The following GPR139 variants were observed in gnomAD, a reference collection of about 807,000 sequenced individuals.
The protein encoded by GPR139 is probable G protein-coupled receptor 139.
In GPR139, 12 loss-of-function variants were observed where a neutral mutation model predicts 25.8. That is an observed-to-expected ratio of 0.47 (90% CI 0.30 to 0.75). GPR139 has a LOEUF of 0.75. Among genes scored for constraint, GPR139 ranks in the 30% least tolerant of loss-of-function variants. The pLI, the probability that GPR139 is intolerant of heterozygous loss-of-function variation, is 0.07. For missense variants in GPR139, 380 were observed against 450.2 expected, an observed-to-expected ratio of 0.84 and a Z score of 1.41; for synonymous variants, 184 against 179.9, an observed-to-expected ratio of 1.02 and a Z score of -0.18.
chr16:20,038,669 T>A (rs982857182), intron 1 of GPR139, among the ~76,000 whole-genome samples: 2 of 152,030 alleles, frequency 1.3e-5, no homozygotes, highest in African/African-American at 4.8e-5. Flanking sequence ...ATGTAGGAGA[T>A]CCCTGGGGTG....
rs1357802276 is a variant in GPR139, at chr16:20,031,267, GTCATTATTGTTAGC to G, written c.*454_*467del. On this transcript the variant is annotated 3_prime_UTR_variant, in exon 2 of 2. Coordinates refer to ENST00000570682, the MANE Select transcript of GPR139 (RefSeq NM_001002911.4). ...GCACCTTGAAAAAAATCCTGAAATA[GTCATTATTGTTAGC>G]TCCTGGGAACAGCAGAGGGAAGTGA... Among the ~76,000 whole-genome samples the G allele has an allele frequency of 6.6e-6, 1 of 152,082 alleles. No homozygotes were observed. The highest frequency in any genetic ancestry group is 2.4e-5 in the African/African-American group (1 of 41,402).
intron 1 of GPR139, chr16:20,070,853 G>T: frequency 1.5e-6 from 1 of 671,846 alleles, no homozygotes. Flanking sequence ...GCTAATTGCT[G>T]GTGGCTGGGG....
At chr16:20,065,963 G>T (rs1171513152) in intron 1 of GPR139, among the ~76,000 whole-genome samples, 1 of 151,856 alleles carries the variant, frequency 6.6e-6, no homozygotes, top group Admixed American at 6.6e-5. Flanking sequence ...CTATAAGTGT[G>T]TCAGCAATTA....
chr16:20,054,908 AG>A (rs1308833412), intron 1 of GPR139, among the ~76,000 whole-genome samples: 1 of 152,002 alleles, frequency 6.6e-6, no homozygotes, highest in Non-Finnish European at 1.5e-5. Context: ...TTGTATTTTT[AG>A]TAGAGATGGG....
chr16:20,059,027 G>T (rs2057401322), intron 1 of GPR139, among the ~76,000 whole-genome samples: 1 of 152,168 alleles, frequency 6.6e-6, no homozygotes, highest in African/African-American at 2.4e-5. Flanking sequence ...GAAGGTGATG[G>T]TGGCTGGGGT....
intron 1 of GPR139, among the ~76,000 whole-genome samples, chr16:20,041,488 A>G (rs1402525498): frequency 6.6e-6 from 1 of 151,894 alleles, no homozygotes; most frequent in East Asian, 2.0e-4. Context: ...ACCGAATTGT[A>G]TGATGGGGCA....
chr16:20,047,755 A>G (rs72772711), intron 1 of GPR139, among the ~76,000 whole-genome samples: 12,417 of 152,232 alleles, frequency 0.082, 587 homozygotes, highest in Non-Finnish European at 0.11. Context: ...GCAGAGTACA[A>G]ATTCTGGAGC....
intron 1 of GPR139, among the ~76,000 whole-genome samples, chr16:20,049,644 TGAAATGAGGAAA>T (rs1193133419): frequency 6.6e-6 from 1 of 152,224 alleles, no homozygotes; most frequent in East Asian, 1.9e-4. Context: ...TTTCCCTTGT[TGAAATGAGGAAA>T]GATTAAGAGC....
At chr16:20,034,576 T>G (rs1324431936) in intron 1 of GPR139, among the ~76,000 whole-genome samples, 3 of 152,300 alleles carry the variant, frequency 2.0e-5, no homozygotes, top group African/African-American at 7.2e-5. Flanking sequence ...TTGCCCAGGC[T>G]GGAGTGCAGT....
chr16:20,066,762 A>G (rs1378308934), intron 1 of GPR139, among the ~76,000 whole-genome samples: 1 of 152,256 alleles, frequency 6.6e-6, no homozygotes, highest in African/African-American at 2.4e-5. Flanking sequence ...CTCTTACTCT[A>G]TGTGAGAGTG....
chr16:20,051,273 G>A (rs2057371164), intron 1 of GPR139, among the ~76,000 whole-genome samples: 1 of 152,110 alleles, frequency 6.6e-6, no homozygotes, highest in African/African-American at 2.4e-5. Context: ...ATGCTGAGAG[G>A]TAACAACCTC....
chr16:20,063,567 A>C (rs2057421415), intron 1 of GPR139, among the ~76,000 whole-genome samples: 1 of 152,260 alleles, frequency 6.6e-6, no homozygotes, highest in East Asian at 1.9e-4. Context: ...ACTAGCACCA[A>C]GCTGAAACTT....
intron 1 of GPR139, among the ~76,000 whole-genome samples, chr16:20,065,904 A>G (rs1251073299): frequency 6.6e-6 from 1 of 151,902 alleles, no homozygotes; most frequent in Non-Finnish European, 1.5e-5. Context: ...AAGTTAAATA[A>G]GTTAATGCGT....
At chr16:20,061,530 C>G (rs1185622767) in intron 1 of GPR139, among the ~76,000 whole-genome samples, 1 of 152,222 alleles carries the variant, frequency 6.6e-6, no homozygotes, top group East Asian at 1.9e-4. Context: ...TCTCTGATTT[C>G]TCTTCTCATC....
intron 1 of GPR139, among the ~76,000 whole-genome samples, chr16:20,056,322 C>T (rs1428512560): frequency 6.6e-6 from 1 of 152,220 alleles, no homozygotes; most frequent in Admixed American, 6.5e-5. Flanking sequence ...CTAGACTCTG[C>T]CCTTCCTGAG....
chr16:20,033,704 A>C lies in GPR139; in HGVS notation c.128-1035T>G, dbSNP rs2045458. 5.5e-4 allele frequency among the ~76,000 whole-genome samples: 83 copies of C among 151,996 alleles called. 1 individual carries two copies. Among genetic ancestry groups the C allele is most frequent in the Non-Finnish European group, 7.6e-4 (52 of 67,982 alleles). On this transcript the variant is annotated intron_variant, in intron 1 of 1. Transcript: ENST00000570682. The stretch of plus-strand genomic sequence containing the variant: ...AGGTAATCTACGTACATGCTACATA[A>C]TCAAAAATAATAGCAAGGAAAAGTA...
chr16:20,052,720 C>T lies in GPR139; in HGVS notation c.128-20051G>A, dbSNP rs968642441. On this transcript the variant is annotated intron_variant, in intron 1 of 1. Transcript: ENST00000570682. Reference sequence around the variant, plus strand: ...GCTGAGGCAGGAGAATGGCGTGAACCGGGGAGGCGGAGCTTGGGAGATCGC... The same window carrying T: ...GCTGAGGCAGGAGAATGGCGTGAACTGGGGAGGCGGAGCTTGGGAGATCGC... Among the ~76,000 whole-genome samples, 7 of 147,178 alleles carry T rather than the reference C, an allele frequency of 4.8e-5. 1 individual carries two copies. Among genetic ancestry groups the T allele is most frequent in the Admixed American group, 4.1e-4 (6 of 14,614 alleles).
At chr16:20,055,839 G>A (rs2057386850) in intron 1 of GPR139, among the ~76,000 whole-genome samples, 3 of 152,356 alleles carry the variant, frequency 2.0e-5, no homozygotes, top group Non-Finnish European at 2.9e-5. Flanking sequence ...TGGGTCTGAA[G>A]CTTGGCTTTG....
chr16:20,059,433 G>C (rs568710583), intron 1 of GPR139, among the ~76,000 whole-genome samples: 1 of 152,006 alleles, frequency 6.6e-6, no homozygotes, highest in Non-Finnish European at 1.5e-5. Context: ...TCTCACCTCT[G>C]GGTTACCCTG....
Sources: gnomAD v4.1 joint callset for allele counts (sites outside exome capture counted in the v4.1 genomes callset) on GRCh38, gnomAD v4.1.1 for gene constraint, MANE v1.5 for transcripts, NCBI Gene and HGNC (gene_info 2026-07-23, HGNC 2026-07-21) for gene names.